DNAJC6: variants seen among roughly 807,000 people sequenced by gnomAD.
The protein encoded by DNAJC6 is auxilin.
In DNAJC6, 34 loss-of-function variants were observed where a neutral mutation model predicts 110.0. That is an observed-to-expected ratio of 0.31 (90% CI 0.24 to 0.41). The LOEUF is 0.41. Ranked by LOEUF, DNAJC6 falls within the 10% of genes least tolerant of loss-of-function variation. The pLI, the probability that DNAJC6 is intolerant of heterozygous loss-of-function variation, is 1.00. For missense variants in DNAJC6, 1,031 were observed against 1,207.8 expected, an observed-to-expected ratio of 0.85 and a Z score of 2.17; for synonymous variants, 406 against 437.2, an observed-to-expected ratio of 0.93 and a Z score of 0.89.
intron 1 of DNAJC6, among the ~76,000 whole-genome samples, chr1:65,310,273 G>T (rs1159250593): frequency 6.6e-6 from 1 of 152,130 alleles, no homozygotes; most frequent in Admixed American, 6.5e-5. Context: ...GCGAAGAACG[G>T]CTTGGGAGGA....
intron 1 of DNAJC6, among the ~76,000 whole-genome samples, chr1:65,301,580 C>T (rs759955225): frequency 2.6e-5 from 4 of 152,110 alleles, no homozygotes; most frequent in Non-Finnish European, 4.4e-5. Context: ...GCTCACAGAA[C>T]TCAGGGAAAC....
At chr1:65,330,293 A>G (rs1218619165) in intron 1 of DNAJC6, among the ~76,000 whole-genome samples, 1 of 152,232 alleles carries the variant, frequency 6.6e-6, no homozygotes, top group Non-Finnish European at 1.5e-5. Flanking sequence ...TCTGCAAACA[A>G]TGATGAGATG....
intron 4 of DNAJC6, among the ~76,000 whole-genome samples, chr1:65,367,758 A>C (rs1196136553): frequency 6.6e-6 from 1 of 152,210 alleles, no homozygotes; most frequent in East Asian, 1.9e-4. Context: ...AAAGGCATCT[A>C]TCAGTGTAAC....
intron 1 of DNAJC6, among the ~76,000 whole-genome samples, chr1:65,311,817 G>A (rs1645104629): frequency 6.6e-6 from 1 of 152,174 alleles, no homozygotes; most frequent in Admixed American, 6.5e-5. Context: ...TATTTTAAGA[G>A]TTGAAATTGG....
At chr1:65,403,893 A>G (rs2148683) in intron 15 of DNAJC6, among the ~76,000 whole-genome samples, 67,429 of 152,046 alleles carry the variant, frequency 0.44, 15,087 homozygotes, top group Middle Eastern at 0.61. Context: ...GCAGCCTGGC[A>G]TCTAGAGGAT....
chr1:65,284,218 CA>C (rs1478518155), intron 1 of DNAJC6, among the ~76,000 whole-genome samples: 3 of 152,178 alleles, frequency 2.0e-5, no homozygotes, highest in Non-Finnish European at 4.4e-5. Flanking sequence ...CTGCTCCATA[CA>C]GTGAGGTCTT....
At chr1:65,408,568 A>T in intron 16 of DNAJC6, 73 bp from the exon 17 acceptor site, 1 of 1,537,722 alleles carries the variant, frequency 6.5e-7, no homozygotes, top group Non-Finnish European at 8.8e-7. Flanking sequence ...AAGACTCCAG[A>T]TGCTGTGAGA....
At chr1:65,296,442 C>T (rs1644929434) in intron 1 of DNAJC6, among the ~76,000 whole-genome samples, 1 of 152,174 alleles carries the variant, frequency 6.6e-6, no homozygotes, top group Non-Finnish European at 1.5e-5. Context: ...AACCAGTCTC[C>T]TATATGTAGC....
At chr1:65,376,370 TA>T (rs1339403689) in intron 4 of DNAJC6, among the ~76,000 whole-genome samples, 1 of 152,026 alleles carries the variant, frequency 6.6e-6, no homozygotes, top group Non-Finnish European at 1.5e-5. Context: ...TTTTTCTTTT[TA>T]GTTTCAATTT....
At chr1:65,361,855 A>T (rs1418030355) in intron 1 of DNAJC6, among the ~76,000 whole-genome samples, 3 of 152,186 alleles carry the variant, frequency 2.0e-5, no homozygotes, top group African/African-American at 7.2e-5. Context: ...TGTGTTGCTT[A>T]TTATAACAAA....
chr1:65,360,634 T>C (rs959026714), intron 1 of DNAJC6, among the ~76,000 whole-genome samples: 1 of 152,166 alleles, frequency 6.6e-6, no homozygotes, highest in Non-Finnish European at 1.5e-5. Context: ...ATGATACAGA[T>C]TTTTACATGG....
chr1:65,322,797 T>C (rs1329738090), intron 1 of DNAJC6, among the ~76,000 whole-genome samples: 2 of 152,212 alleles, frequency 1.3e-5, no homozygotes, highest in African/African-American at 2.4e-5. Flanking sequence ...GGTAGACTCA[T>C]ACATGAGAAA....
chr1:65,330,459 C>CTTT (rs554827732), intron 1 of DNAJC6, among the ~76,000 whole-genome samples: 12 of 149,010 alleles, frequency 8.1e-5, no homozygotes, highest in African/African-American at 3.0e-4. Flanking sequence ...AAGTCTATTT[C>CTTT]TTTTTTTTTT....
intron 1 of DNAJC6, among the ~76,000 whole-genome samples, chr1:65,324,828 G>T (rs1645227937): frequency 6.6e-6 from 1 of 152,038 alleles, no homozygotes; most frequent in African/African-American, 2.4e-5. Context: ...GTGTGTAGAG[G>T]CCAGGGTGTT....
At chr1:65,369,572 A>G (rs1480949867) in intron 4 of DNAJC6, among the ~76,000 whole-genome samples, 2 of 152,314 alleles carry the variant, frequency 1.3e-5, no homozygotes, top group Non-Finnish European at 2.9e-5. Flanking sequence ...ATAAGGGTGT[A>G]TAAGGTCTTA....
chr1:65,375,589 C>A (rs1387764362), intron 4 of DNAJC6, among the ~76,000 whole-genome samples: 2 of 152,028 alleles, frequency 1.3e-5, no homozygotes, highest in Non-Finnish European at 2.9e-5. Flanking sequence ...CCACGCCCGG[C>A]TAATTTTTTT....
chr1:65,347,817 A>G (rs1645451983), intron 1 of DNAJC6, among the ~76,000 whole-genome samples: 3 of 152,122 alleles, frequency 2.0e-5, no homozygotes, highest in Non-Finnish European at 4.4e-5. Flanking sequence ...CCAAAATCTC[A>G]GGATTCCTTG....
chr1:65,360,740 G>C (rs1404569466), intron 1 of DNAJC6, among the ~76,000 whole-genome samples: 1 of 152,166 alleles, frequency 6.6e-6, no homozygotes, highest in Non-Finnish European at 1.5e-5. Flanking sequence ...GTAGTCTGTG[G>C]AGGTGCCCAT....
intron 1 of DNAJC6, among the ~76,000 whole-genome samples, chr1:65,311,224 T>G (rs1570261745): frequency 7.5e-6 from 1 of 133,582 alleles, no homozygotes; most frequent in South Asian, 2.7e-4. Flanking sequence ...TGTTTTTTTT[T>G]TTTTTTTTTT....
Sources: gnomAD v4.1 joint callset for allele counts (sites outside exome capture counted in the v4.1 genomes callset) on GRCh38, gnomAD v4.1.1 for gene constraint, MANE v1.5 for transcripts, NCBI Gene and HGNC (gene_info 2026-07-23, HGNC 2026-07-21) for gene names.